The following DNAJC10 variants were observed in gnomAD, a reference collection of about 807,000 sequenced individuals.
DNAJC10 encodes the protein endoplasmic reticulum disulfide reductase DNAJC10.
DNAJC10 carries 101 observed loss-of-function variants against 115.0 expected under a neutral mutation model. That is an observed-to-expected ratio of 0.88 (90% CI 0.75 to 1.04). DNAJC10 has a LOEUF of 1.04. Ranked by LOEUF, DNAJC10 falls within the 50% of genes least tolerant of loss-of-function variation. The pLI, the probability that DNAJC10 is intolerant of heterozygous loss-of-function variation, is 0.00. For synonymous variants in DNAJC10, 307 were observed against 301.5 expected, an observed-to-expected ratio of 1.02 and a Z score of -0.19; for missense variants, 981 against 928.8, an observed-to-expected ratio of 1.06 and a Z score of -0.73.
intron 5 of DNAJC10, among the ~76,000 whole-genome samples, chr2:182,726,512 C>T (rs1175603276): frequency 6.6e-6 from 1 of 152,138 alleles, no homozygotes; most frequent in East Asian, 1.9e-4. Flanking sequence ...AGAAGTTCTA[C>T]TGTGGGTCAG....
chr2:182,759,105 C>T, intron 20 of DNAJC10, 55 bp from the exon 21 acceptor site: 2 of 1,431,620 alleles, frequency 1.4e-6, no homozygotes, highest in East Asian at 2.3e-5. Flanking sequence ...TATTGCATTT[C>T]ATATGTTTGC....
intron 22 of DNAJC10, among the ~76,000 whole-genome samples, chr2:182,774,744 G>T (rs995504193): frequency 6.6e-6 from 1 of 152,244 alleles, no homozygotes; most frequent in African/African-American, 2.4e-5. Flanking sequence ...GTTTTTTCAG[G>T]TAGTCTGTCA....
chr2:182,743,246 GA>G (rs753799012), intron 13 of DNAJC10, among the ~76,000 whole-genome samples: 5 of 152,044 alleles, frequency 3.3e-5, no homozygotes, highest in Non-Finnish European at 7.4e-5. Context: ...CACACTCTTT[GA>G]AAACATCACT....
At position 182,756,487 on chromosome 2, in the gene DNAJC10, T is replaced by A; in HGVS notation, c.1809+18T>A. The stretch of plus-strand genomic sequence containing the variant: ...TGGCCCGGGTATAGTAAAAATAGTT[T>A]ATTTTAAATCTTAACATTTACTAAG... On this transcript the variant is annotated intron_variant, in intron 18 of 23. Coordinates refer to ENST00000264065, the MANE Select transcript of DNAJC10 (RefSeq NM_018981.4). 1 of 1,596,280 alleles carries A rather than the reference T, an allele frequency of 6.3e-7. No individual in the cohort carries two copies. Among genetic ancestry groups the A allele is most frequent in the Non-Finnish European group, 8.5e-7 (1 of 1,173,218 alleles).
At chr2:182,753,350 G>A (rs72625278) in intron 16 of DNAJC10, among the ~76,000 whole-genome samples, 1,767 of 151,966 alleles carry the variant, frequency 0.012, 81 homozygotes, top group East Asian at 0.091. Context: ...AATGGGAAGA[G>A]GAAGGAAAAC....
At chr2:182,722,109 A>G (rs747920104) in intron 5 of DNAJC10, 34 bp downstream of exon 5, 1 of 1,444,990 alleles carries the variant, frequency 6.9e-7, no homozygotes, top group Admixed American at 2.1e-5. Flanking sequence ...TATAAAACTA[A>G]TACAAGTTCG....
chr2:182,751,347 G>A (rs1394923340), intron 14 of DNAJC10, among the ~76,000 whole-genome samples: 1 of 151,762 alleles, frequency 6.6e-6, no homozygotes, highest in African/African-American at 2.4e-5. Context: ...TGTTGGCCAG[G>A]ATGGTCTCGA....
At chr2:182,741,537 T>C (rs547517730) in intron 13 of DNAJC10, among the ~76,000 whole-genome samples, 181 bp downstream of exon 13, 3 of 152,220 alleles carry the variant, frequency 2.0e-5, no homozygotes, top group Admixed American at 2.0e-4. Context: ...ATATGTAATC[T>C]GAAAGTGGTT....
intron 5 of DNAJC10, among the ~76,000 whole-genome samples, chr2:182,726,916 CT>C (rs1305575614): frequency 3.3e-5 from 5 of 151,906 alleles, no homozygotes; most frequent in African/African-American, 1.2e-4. Flanking sequence ...GAGACAGGGT[CT>C]TGCTGTGTTT....
At position 182,755,073 on chromosome 2, in the gene DNAJC10, A is replaced by C. The variant is rs1246020619; in HGVS notation, c.1622A>C (p.His541Pro). 2 of 1,607,026 alleles carry C rather than the reference A, an allele frequency of 1.2e-6. No individual in the cohort carries two copies. Among genetic ancestry groups the C allele is most frequent in the African/African-American group, 1.3e-5 (1 of 74,714 alleles). The change falls in exon 17 of 24, where the codon CAC (histidine) becomes CCC (proline). Residue 541 changes from histidine to proline, a missense_variant. By Grantham distance (77) the His-to-Pro change is moderately conservative. Transcript: ENST00000264065. ...AACATTCATGAGTATGAAGGACATC[A>C]CTCTGCTGAACAAATCTTGGAGTTC... Reference protein sequence around the residue: ...QSNIHEYEGHHSAEQILEFIE... With the variant: ...QSNIHEYEGHPSAEQILEFIE...
At chr2:182,736,467 G>A in intron 11 of DNAJC10, 81 bp downstream of exon 11, 1 of 1,049,248 alleles carries the variant, frequency 9.5e-7, no homozygotes, top group Non-Finnish European at 1.3e-6. Context: ...TGTAAGCAGT[G>A]AGCAAAGAAA....
intron 22 of DNAJC10, 87 bp downstream of exon 22, chr2:182,762,888 T>C: frequency 7.1e-7 from 1 of 1,416,468 alleles, no homozygotes; most frequent in Non-Finnish European, 9.5e-7. Context: ...TTTTTCTGTT[T>C]TCTCATCCTT....
intron 14 of DNAJC10, among the ~76,000 whole-genome samples, chr2:182,747,973 A>G (rs1299977004): frequency 2.7e-5 from 4 of 150,354 alleles, no homozygotes; most frequent in Admixed American, 2.0e-4. Flanking sequence ...CCTTTTCTGC[A>G]TCTATTGAGA....
intron 19 of DNAJC10, among the ~76,000 whole-genome samples, chr2:182,758,383 GTTA>G (rs1037777941): frequency 6.6e-6 from 1 of 152,112 alleles, no homozygotes; most frequent in African/African-American, 2.4e-5. Context: ...TATGATGAAT[GTTA>G]TTAAACAAGT....
At chr2:182,772,696 A>C (rs1236508657) in intron 22 of DNAJC10, among the ~76,000 whole-genome samples, 1 of 151,956 alleles carries the variant, frequency 6.6e-6, no homozygotes, top group Non-Finnish European at 1.5e-5. Context: ...TGCTTGGTAG[A>C]TCTTCCTCCA....
chr2:182,743,676 AAAGGAC>A lies in DNAJC10; in HGVS notation c.1276_1281del (p.Gln426_Gly427del). 1 of 1,612,824 alleles carries A rather than the reference AAAGGAC, an allele frequency of 6.2e-7. No individual in the cohort carries two copies. Among genetic ancestry groups the A allele is most frequent in the Non-Finnish European group, 8.5e-7 (1 of 1,179,034 alleles). On this transcript the variant is annotated inframe_deletion, in exon 14 of 24. Coordinates refer to ENST00000264065, the MANE Select transcript of DNAJC10 (RefSeq NM_018981.4). ...TTTTCAGCCGTCTCTAGCAGTATTT[AAAGGAC>A]AAGGAACCAAAGAATATGAAATTCA...
chr2:182,772,076 T>G (rs576890598), intron 22 of DNAJC10, among the ~76,000 whole-genome samples: 3 of 152,340 alleles, frequency 2.0e-5, no homozygotes, highest in Non-Finnish European at 4.4e-5. Flanking sequence ...TTTCGTTATT[T>G]ACCCAGTAGT....
At chr2:182,733,773 A>C (rs554299595) in intron 10 of DNAJC10, among the ~76,000 whole-genome samples, 1 of 123,440 alleles carries the variant, frequency 8.1e-6, no homozygotes, top group East Asian at 2.2e-4. Flanking sequence ...ACTTTTCTCC[A>C]ATCTCTCTCA....
intron 19 of DNAJC10, among the ~76,000 whole-genome samples, chr2:182,758,083 T>C (rs1424290152): frequency 6.6e-6 from 1 of 152,170 alleles, no homozygotes; most frequent in East Asian, 1.9e-4. Flanking sequence ...AAACACCTTA[T>C]TTGGTTTCAG....
Sources: allele counts gnomAD v4.1 joint callset (sites outside exome capture counted in the v4.1 genomes callset), GRCh38; gene constraint gnomAD v4.1.1; transcripts MANE v1.5; gene names NCBI Gene and HGNC (gene_info 2026-07-23, HGNC 2026-07-21).